XRRA1: variants seen among roughly 807,000 people sequenced by gnomAD.
XRRA1 encodes X-ray radiation resistance-associated protein 1.
XRRA1 carries 69 observed loss-of-function variants against 80.2 expected under a neutral mutation model. That is an observed-to-expected ratio of 0.86 (90% CI 0.71 to 1.05). The LOEUF is 1.05. Among genes scored for constraint, XRRA1 ranks in the 50% least tolerant of loss-of-function variants. The pLI is 0.00. For synonymous variants in XRRA1, 348 were observed against 389.9 expected (o/e 0.89, Z 1.27); for missense variants, 967 against 976.4 (o/e 0.99, Z 0.13).
intron 3 of XRRA1, 139 bp downstream of exon 3, chr11:74,940,646 C>T: frequency 1.5e-6 from 1 of 682,846 alleles, no homozygotes; most frequent in Non-Finnish European, 2.5e-6. Context: ...CCCATGGAGG[C>T]TACTAGGACT....
chr11:74,907,182 TG>T lies in XRRA1; in HGVS notation c.747del (p.Asn250ThrfsTer14). The part of the protein sequence containing the change: ...ETLMLDDNRL[S>X]NPSCFASLAG... ...GCCAGGCTGGCAAAGCAACTGGGGT[TG>T]GAGAGTCTGTTGTCATCCAGCATCA... is the stretch of plus-strand genomic sequence containing the variant. On this transcript the variant is annotated frameshift_variant, in exon 9 of 19. Coordinates refer to ENST00000684022, the MANE Select transcript of XRRA1 (RefSeq NM_001378157.1). LOFTEE classifies it high-confidence loss of function. 1 of 1,613,988 alleles carries T rather than the reference TG, an allele frequency of 6.2e-7. No homozygotes were observed. Among genetic ancestry groups the T allele is most frequent in the Non-Finnish European group, 8.5e-7 (1 of 1,179,884 alleles).
intron 15 of XRRA1, among the ~76,000 whole-genome samples, chr11:74,846,584 T>A (rs188029074): frequency 2.3e-3 from 357 of 152,300 alleles, no homozygotes; most frequent in Middle Eastern, 6.8e-3. Flanking sequence ...TTATATACTA[T>A]GACCAAGTGA....
At chr11:74,865,855 C>G (rs2043281726) in intron 10 of XRRA1, among the ~76,000 whole-genome samples, 1 of 152,198 alleles carries the variant, frequency 6.6e-6, no homozygotes, top group South Asian at 2.1e-4. Flanking sequence ...GTGTTTGGGT[C>G]TTCCCAGAGC....
At position 74,871,007 on chromosome 11, in the gene XRRA1, T is replaced by A. The variant is rs190073440; in HGVS notation, c.1004-7986A>T. Among the ~76,000 whole-genome samples the A allele has an allele frequency of 3.9e-4, 60 of 152,342 alleles. 1 individual carries two copies. The East Asian group carries it at 9.8e-3, about 25-fold the overall frequency. On this transcript the variant is annotated intron_variant, in intron 10 of 18. Transcript: ENST00000684022. Reference sequence around the variant, plus strand: ...AACCACTGCCTAACAATAAATATTTTAGTCCAGGCCATAATAGCAGTATAG... The same window carrying A: ...AACCACTGCCTAACAATAAATATTTAAGTCCAGGCCATAATAGCAGTATAG...
At chr11:74,934,824 A>T (rs1188723668) in intron 4 of XRRA1, among the ~76,000 whole-genome samples, 2 of 152,214 alleles carry the variant, frequency 1.3e-5, no homozygotes, top group African/African-American at 4.8e-5. Context: ...GGCTGATAGT[A>T]ATTTTATAAA....
intron 15 of XRRA1, 80 bp downstream of exon 15, chr11:74,848,035 C>T (rs1177487303): frequency 2.3e-6 from 3 of 1,302,932 alleles, no homozygotes; most frequent in Non-Finnish European, 3.1e-6. Flanking sequence ...CCCAGCTGTC[C>T]ACAGCAATCG....
chr11:74,948,099 T>C (rs1042683546), intron 1 of XRRA1, among the ~76,000 whole-genome samples: 1 of 152,252 alleles, frequency 6.6e-6, no homozygotes, highest in Non-Finnish European at 1.5e-5. Context: ...GTGACTAGAA[T>C]AGTGCCTGTT....
chr11:74,851,239 C>G, intron 13 of XRRA1, 36 bp from the exon 14 acceptor site: 1 of 1,522,614 alleles, frequency 6.6e-7, no homozygotes. Flanking sequence ...TTACTATTAG[C>G]TAAAATTTAT....
intron 12 of XRRA1, among the ~76,000 whole-genome samples, chr11:74,853,725 TCTTA>T (rs760870523): frequency 6.6e-6 from 1 of 152,232 alleles, no homozygotes; most frequent in Non-Finnish European, 1.5e-5. Flanking sequence ...CAGTAGCTAG[TCTTA>T]CTTTAATGCA....
chr11:74,933,728 AC>A, intron 5 of XRRA1, 72 bp downstream of exon 5: 1 of 1,431,480 alleles, frequency 7.0e-7, no homozygotes, highest in Non-Finnish European at 9.6e-7. Flanking sequence ...GGTGCAAGAG[AC>A]AAACCACAAC....
intron 3 of XRRA1, among the ~76,000 whole-genome samples, chr11:74,939,862 A>C (rs368376410): frequency 4.1e-5 from 6 of 145,350 alleles, no homozygotes; most frequent in African/African-American, 1.0e-4. Context: ...AGAGAGAGAG[A>C]GCGAGAGCAA....
chr11:74,880,463 C>T (rs1211510438), intron 10 of XRRA1, among the ~76,000 whole-genome samples: 2 of 149,316 alleles, frequency 1.3e-5, no homozygotes, highest in Non-Finnish European at 3.0e-5. Context: ...CTATTTCCTT[C>T]AGTTCTGCTC....
At chr11:74,891,229 G>C (rs2050607723) in intron 10 of XRRA1, among the ~76,000 whole-genome samples, 1 of 152,074 alleles carries the variant, frequency 6.6e-6, no homozygotes, top group African/African-American at 2.4e-5. Context: ...TTCATCCCTG[G>C]GATGCAAGGC....
chr11:74,843,838 TGTGGCAGAGCC>T lies in XRRA1; in HGVS notation c.2149+5_2149+15del. The stretch of plus-strand genomic sequence containing the variant: ...GAACTGGATCTGGGATCCTGGCAGC[TGTGGCAGAGCC>T]GTACCTAGTGGAGCCTCTGTAATGT... On this transcript the variant is annotated splice_donor_5th_base_variant and intron_variant, in intron 18 of 18. Coordinates refer to ENST00000684022, the MANE Select transcript of XRRA1 (RefSeq NM_001378157.1). 1 of 1,594,996 alleles carries T rather than the reference TGTGGCAGAGCC, an allele frequency of 6.3e-7. No individual in the cohort carries two copies. The highest frequency in any genetic ancestry group is 8.6e-7 in the Non-Finnish European group (1 of 1,168,966).
chr11:74,862,918 A>AT, intron 11 of XRRA1, 63 bp downstream of exon 11: 5 of 1,361,380 alleles, frequency 3.7e-6, no homozygotes, highest in Non-Finnish European at 5.0e-6. Context: ...ATTTTATTTG[A>AT]TTTTGTCTAT....
chr11:74,873,958 C>T (rs143699409), intron 10 of XRRA1, among the ~76,000 whole-genome samples: 42 of 152,082 alleles, frequency 2.8e-4, no homozygotes, highest in East Asian at 1.2e-3. Context: ...AAACTCAAGG[C>T]CAGGCACGGT....
chr11:74,925,007 C>T lies in XRRA1; in HGVS notation c.522+2384G>A, dbSNP rs567885226. On this transcript the variant is annotated intron_variant, in intron 7 of 18. Transcript: ENST00000684022. ...AGCCTAAAATATTAGGCCTGCTGTA[C>T]AGAAAAAGTTTGCTGACCTCATTCT... 5.3e-5 allele frequency among the ~76,000 whole-genome samples: 8 copies of T among 152,256 alleles called. 1 individual carries two copies. Among genetic ancestry groups the T allele is most frequent in the Admixed American group, 2.0e-4 (3 of 15,292 alleles).
At chr11:74,897,898 A>T (rs1378127105) in intron 10 of XRRA1, among the ~76,000 whole-genome samples, 1 of 152,186 alleles carries the variant, frequency 6.6e-6, no homozygotes, top group Admixed American at 6.5e-5. Flanking sequence ...GATGTTAATG[A>T]GCAAGAAGAA....
At chr11:74,888,436 G>T (rs1394211422) in intron 10 of XRRA1, among the ~76,000 whole-genome samples, 1 of 152,142 alleles carries the variant, frequency 6.6e-6, no homozygotes, top group Non-Finnish European at 1.5e-5. Flanking sequence ...ATCATCAAAG[G>T]CCAAAGGTAG....
Sources: allele counts gnomAD v4.1 joint callset (sites outside exome capture counted in the v4.1 genomes callset), GRCh38; gene constraint gnomAD v4.1.1; transcripts MANE v1.5; gene names NCBI Gene and HGNC (gene_info 2026-07-23, HGNC 2026-07-21).